Variants in ZNF618 observed in about 807,000 individuals in gnomAD.
ZNF618 encodes the protein neural precursor cell expressed, developmentally down-regulated 10.
A neutral mutation model predicts 103.0 loss-of-function variants in ZNF618; 34 were observed. The ratio of observed to expected loss-of-function variants is 0.33; its 90% CI spans 0.25 to 0.44. ZNF618 has a LOEUF of 0.44. Among genes scored for constraint, ZNF618 ranks in the 20% least tolerant of loss-of-function variants. ZNF618 has a pLI of 1.00. For synonymous variants in ZNF618, 551 were observed against 542.2 expected, an observed-to-expected ratio of 1.02 and a Z score of -0.23; for missense variants, 1,059 against 1,295.4, an observed-to-expected ratio of 0.82 and a Z score of 2.80.
At chr9:113,955,151 T>C (rs1217640012) in intron 1 of ZNF618, among the ~76,000 whole-genome samples, 1 of 132,606 alleles carries the variant, frequency 7.5e-6, no homozygotes, top group East Asian at 1.9e-4. Flanking sequence ...CTTCTCTTTT[T>C]TTTTTTTTTT....
chr9:113,877,657 G>T (rs1828084288), intron 1 of ZNF618, among the ~76,000 whole-genome samples: 1 of 151,746 alleles, frequency 6.6e-6, no homozygotes, highest in Non-Finnish European at 1.5e-5. Flanking sequence ...TTTTGTGTGT[G>T]TGTGTGTTTT....
At chr9:113,892,513 A>G (rs570152020) in intron 1 of ZNF618, among the ~76,000 whole-genome samples, 1 of 152,304 alleles carries the variant, frequency 6.6e-6, no homozygotes, top group Non-Finnish European at 1.5e-5. Flanking sequence ...AATGGTTCAG[A>G]TGGTCAAAGA....
Position 114,050,601 on chromosome 9 carries a change from G to C in ZNF618, c.*434G>C, listed in dbSNP as rs912567536. On this transcript the variant is annotated 3_prime_UTR_variant, in exon 15 of 15. Transcript: ENST00000374126. ...TCCTTTTCTCAGTAAGGGGGCTTTA[G>C]AAGACTCCGCTTTCAGGTGTGCAGA... The C allele has an allele frequency of 4.5e-5, 7 of 155,634 alleles. No individual in the cohort carries two copies. The highest frequency in any genetic ancestry group is 3.2e-4 in the Admixed American group (5 of 15,492). 9.6% of individuals were successfully genotyped at this position (155,634 alleles called of 1,614,324 possible).
chr9:113,902,936 A>G (rs1258627088), intron 1 of ZNF618, among the ~76,000 whole-genome samples: 1 of 152,204 alleles, frequency 6.6e-6, no homozygotes, highest in Non-Finnish European at 1.5e-5. Context: ...AACTGCAATG[A>G]ACATCCTTGT....
chr9:114,000,788 C>T (rs986547240), intron 4 of ZNF618, among the ~76,000 whole-genome samples: 2 of 152,214 alleles, frequency 1.3e-5, no homozygotes, highest in African/African-American at 2.4e-5. Flanking sequence ...CAAACTCAGT[C>T]TTCACACCAA....
chr9:114,019,620 T>C (rs541950334), intron 10 of ZNF618, among the ~76,000 whole-genome samples: 1 of 152,392 alleles, frequency 6.6e-6, no homozygotes, highest in East Asian at 1.9e-4. Context: ...TATTTACTTA[T>C]TGGCCACTTA....
intron 10 of ZNF618, among the ~76,000 whole-genome samples, chr9:114,026,007 A>AT: frequency 6.6e-6 from 1 of 152,220 alleles, no homozygotes; most frequent in African/African-American, 2.4e-5. Context: ...TTCAAAGGTC[A>AT]TACTGTGTAT....
At chr9:114,004,593 G>A (rs995352167) in intron 6 of ZNF618, among the ~76,000 whole-genome samples, 5 of 152,142 alleles carry the variant, frequency 3.3e-5, no homozygotes, top group Admixed American at 6.5e-5. Context: ...TAGTCCTTCC[G>A]TCACTTTTCC....
chr9:113,984,670 C>T (rs1023873055), intron 2 of ZNF618, among the ~76,000 whole-genome samples: 4 of 152,170 alleles, frequency 2.6e-5, no homozygotes, highest in Non-Finnish European at 5.9e-5. Flanking sequence ...TGAAGAAAGC[C>T]GAGGTAAGGG....
At chr9:113,948,372 CTCG>C (rs1835249917) in intron 1 of ZNF618, among the ~76,000 whole-genome samples, 1 of 152,212 alleles carries the variant, frequency 6.6e-6, no homozygotes, top group South Asian at 2.1e-4. Context: ...CATTTCCCAC[CTCG>C]TGCCCCTGAG....
chr9:113,980,351 G>A (rs1388901372), intron 2 of ZNF618, among the ~76,000 whole-genome samples: 1 of 152,010 alleles, frequency 6.6e-6, no homozygotes, highest in Admixed American at 6.6e-5. Context: ...GTTTCAAGCA[G>A]TTGGGGGTTT....
chr9:113,951,672 C>G (rs1835795340), intron 1 of ZNF618, among the ~76,000 whole-genome samples: 1 of 151,178 alleles, frequency 6.6e-6, no homozygotes, highest in Non-Finnish European at 1.5e-5. Flanking sequence ...GATGAGAACT[C>G]AGGCAGTTGT....
intron 14 of ZNF618, 70 bp from the exon 15 acceptor site, chr9:114,048,581 T>C: frequency 6.8e-7 from 1 of 1,477,532 alleles, no homozygotes; most frequent in African/African-American, 1.4e-5. Context: ...TTTAGAGTGT[T>C]AGGCTACTGC....
intron 3 of ZNF618, among the ~76,000 whole-genome samples, chr9:113,995,724 G>C (rs981075157): frequency 7.9e-5 from 12 of 152,160 alleles, no homozygotes; most frequent in African/African-American, 2.7e-4. Context: ...TGAGAGCAGA[G>C]AGTTGGAAGT....
At chr9:113,919,290 C>T (rs908191430) in intron 1 of ZNF618, among the ~76,000 whole-genome samples, 9 of 152,264 alleles carry the variant, frequency 5.9e-5, no homozygotes, top group Non-Finnish European at 1.0e-4. Context: ...TGGCAGAGGT[C>T]CTGGGACCCC....
rs183807571 is a variant in ZNF618 at position 114,005,377 on chromosome 9, G to A, written c.551-1973G>A. 1.1e-3 allele frequency among the ~76,000 whole-genome samples: 171 copies of A among 152,300 alleles called. 1 individual carries two copies. The highest frequency in any genetic ancestry group is 3.9e-3 in the African/African-American group (164 of 41,560). On this transcript the variant is annotated intron_variant, in intron 6 of 14. Coordinates refer to ENST00000374126, the MANE Select transcript of ZNF618 (RefSeq NM_001318042.2). Reference sequence around the variant, plus strand: ...TTGGCCTAATCATTTCCTGACTGACGAAGACCTGGGAGCGGGCTCCCCATC... The same window carrying A: ...TTGGCCTAATCATTTCCTGACTGACAAAGACCTGGGAGCGGGCTCCCCATC...
rs1436294730 is a variant in ZNF618 at position 114,049,915 on chromosome 9, A to G, written c.2613A>G (p.Lys871=). ...CTCAGGAAGATGATCGGCTAGGCAA[A>G]AATGAAGTGTACGATTACCTGCAGG... is the stretch of plus-strand genomic sequence containing the variant. The part of the protein sequence containing the change: ...PAAQEDDRLG[K]NEVYDYLQEP... Residue 871 remains lysine, a synonymous_variant, in exon 15 of 15, where the codon AAA becomes AAG. Transcript: ENST00000374126. The G allele has an allele frequency of 1.9e-6, 3 of 1,613,776 alleles. No individual in the cohort carries two copies. The African/African-American group carries it at 4.0e-5, about 22-fold the overall frequency.
chr9:114,032,570 C>T, intron 11 of ZNF618, 75 bp from the exon 12 acceptor site: 1 of 1,428,484 alleles, frequency 7.0e-7, no homozygotes. Context: ...GGCCTTCACC[C>T]AGCCTACCCC....
chr9:114,022,105 GTAATTACCTAAGAATGGAATGACTGGA>G (rs1843123776), intron 10 of ZNF618, among the ~76,000 whole-genome samples: 1 of 152,060 alleles, frequency 6.6e-6, no homozygotes, highest in Admixed American at 6.5e-5. Flanking sequence ...TTTCTCTTGG[GTAATTACCTAAGAATGGAATGACTGGA>G]TCATATGGTA....
Sources: allele counts gnomAD v4.1 joint callset (sites outside exome capture counted in the v4.1 genomes callset), GRCh38; gene constraint gnomAD v4.1.1; transcripts MANE v1.5; gene names NCBI Gene and HGNC (gene_info 2026-07-23, HGNC 2026-07-21).